AGMO: variants seen among roughly 807,000 people sequenced by gnomAD.
AGMO encodes the protein alkylglycerol monooxygenase, also known as glyceryl-ether monooxygenase.
AGMO carries 75 observed loss-of-function variants against 60.2 expected under a neutral mutation model. The observed-to-expected ratio is 1.25, with a 90% CI of 1.03 to 1.51. AGMO has a LOEUF of 1.51. Ranked by LOEUF, AGMO falls within the 40% of genes most tolerant of loss-of-function variation. The pLI, the probability that AGMO is intolerant of heterozygous loss-of-function variation, is 0.00. For missense variants in AGMO, 763 were observed against 525.5 expected, an observed-to-expected ratio of 1.45 and a Z score of -4.42; for synonymous variants, 261 against 177.1, an observed-to-expected ratio of 1.47 and a Z score of -3.76.
In AGMO at chr7:15,560,174, G is replaced by T; in HGVS notation, c.224C>A (p.Ser75Ter). The T allele has an allele frequency of 6.2e-7, 1 of 1,612,906 alleles. No individual in the cohort carries two copies. The highest frequency in any genetic ancestry group is 1.1e-5 in the South Asian group (1 of 91,020). ...TCGAGACAGAACACCAGCTGAGATT[G>T]ACGTTAAAGCATCATCCAGGCGACC... Reference protein sequence around the residue: ...PPGRLDDALTSISAGVLSRLP... With the variant: ...PPGRLDDALT Residue 75 changes from serine to a stop codon, truncating the protein, a stop_gained, in exon 2 of 13, where the codon TCA becomes TAA. Coordinates refer to ENST00000342526, the MANE Select transcript of AGMO (RefSeq NM_001004320.2). LOFTEE classifies it high-confidence loss of function.
intron 12 of AGMO, among the ~76,000 whole-genome samples, chr7:15,231,904 A>T (rs187111575): frequency 6.6e-6 from 1 of 152,208 alleles, no homozygotes; most frequent in African/African-American, 2.4e-5. Context: ...ATAATAAAGT[A>T]GTTACTTATA....
At chr7:15,280,592 TC>T (rs1320808291) in intron 12 of AGMO, among the ~76,000 whole-genome samples, 1 of 152,128 alleles carries the variant, frequency 6.6e-6, no homozygotes, top group Non-Finnish European at 1.5e-5. Context: ...AGAATACCTC[TC>T]CTGGGTAAAA....
At chr7:15,370,631 C>T (rs1185661507) in intron 10 of AGMO, among the ~76,000 whole-genome samples, 1 of 152,122 alleles carries the variant, frequency 6.6e-6, no homozygotes, top group African/African-American at 2.4e-5. Flanking sequence ...TTGCATTTCT[C>T]TAATGATTAG....
chr7:15,329,161 C>T (rs1445629823), intron 12 of AGMO, among the ~76,000 whole-genome samples: 1 of 152,134 alleles, frequency 6.6e-6, no homozygotes, highest in Non-Finnish European at 1.5e-5. Flanking sequence ...TGCTAGAAAA[C>T]ATCTTTCTCT....
At chr7:15,200,268 C>G (rs902606026), downstream of AGMO, 1 of 152,056 alleles carries the variant, frequency 6.6e-6, no homozygotes, top group South Asian at 2.1e-4. Flanking sequence ...TCCCTCCTAA[C>G]GAAACACTTG....
At chr7:15,366,048 A>T in intron 11 of AGMO, 92 bp downstream of exon 11, 1 of 865,480 alleles carries the variant, frequency 1.2e-6, no homozygotes, top group Non-Finnish European at 1.8e-6. Context: ...TTAAAACTAC[A>T]CTAGTTACAT....
At chr7:15,390,594 T>C (rs997463899) in intron 8 of AGMO, 77 bp downstream of exon 8, 1 of 1,197,992 alleles carries the variant, frequency 8.3e-7, no homozygotes, top group Non-Finnish European at 1.2e-6. Context: ...TTCACTTTTC[T>C]ACAGCTGATT....
the AGMO span, among the ~76,000 whole-genome samples, chr7:15,146,687 G>A: frequency 2.0e-5 from 3 of 152,124 alleles, no homozygotes; most frequent in Non-Finnish European, 4.4e-5. Flanking sequence ...GACAGGGCAC[G>A]AGAATTTAAC....
At chr7:15,331,664 C>T (rs949436063) in intron 12 of AGMO, among the ~76,000 whole-genome samples, 95 of 152,138 alleles carry the variant, frequency 6.2e-4, no homozygotes, top group Non-Finnish European at 2.6e-4. Flanking sequence ...CGGTGGCTCA[C>T]ACCTGTAATC....
chr7:15,119,098 T>C, the AGMO span, among the ~76,000 whole-genome samples: 1 of 151,718 alleles, frequency 6.6e-6, no homozygotes, highest in Non-Finnish European at 1.5e-5. Context: ...GAGCAAGACA[T>C]GAACAGTGAA....
intron 12 of AGMO, among the ~76,000 whole-genome samples, chr7:15,355,504 C>CAAAA (rs56695710): frequency 0.24 from 19,590 of 81,396 alleles, 2,719 homozygotes; most frequent in African/African-American, 0.32. Flanking sequence ...GACTCTGTCT[C>CAAAA]AAAAAAAAAA....
chr7:15,397,509 C>A (rs1010825783), intron 5 of AGMO, among the ~76,000 whole-genome samples: 3 of 152,186 alleles, frequency 2.0e-5, no homozygotes, highest in Admixed American at 1.3e-4. Flanking sequence ...GACGCCCAGG[C>A]CAAGAAGGCG....
At chr7:15,386,067 G>A (rs1783897930) in intron 9 of AGMO, among the ~76,000 whole-genome samples, 1 of 152,148 alleles carries the variant, frequency 6.6e-6, no homozygotes, top group African/African-American at 2.4e-5. Context: ...TGTAATCCCA[G>A]CTACTCAGGA....
At chr7:15,366,960 G>C (rs941023322) in intron 10 of AGMO, among the ~76,000 whole-genome samples, 1 of 151,958 alleles carries the variant, frequency 6.6e-6, no homozygotes, top group Non-Finnish European at 1.5e-5. Context: ...AATATGCTTT[G>C]TGCTCCAGAA....
chr7:15,376,282 G>A (rs1161559106), intron 10 of AGMO, among the ~76,000 whole-genome samples: 3 of 151,892 alleles, frequency 2.0e-5, no homozygotes, highest in African/African-American at 7.3e-5. Context: ...AGTATACCCT[G>A]GACATTGACT....
rs182870733 is a variant in AGMO, at chr7:15,258,054, C to T, written c.1264-56695G>A. On this transcript the variant is annotated intron_variant, in intron 12 of 12. Transcript: ENST00000342526. ...CATGATTCTCCATTCTTCATTAGAGCGATAACATTCTCAACCGGATTGCCA... is the reference window on the plus strand; with the variant it reads ...CATGATTCTCCATTCTTCATTAGAGTGATAACATTCTCAACCGGATTGCCA... Among the ~76,000 whole-genome samples, 131 of 152,210 alleles carry T rather than the reference C, an allele frequency of 8.6e-4. 1 individual carries two copies. The highest frequency in any genetic ancestry group is 3.0e-3 in the African/African-American group (126 of 41,550).
intron 12 of AGMO, among the ~76,000 whole-genome samples, chr7:15,301,063 A>G (rs1306603826): frequency 6.6e-6 from 1 of 152,218 alleles, no homozygotes; most frequent in Non-Finnish European, 1.5e-5. Context: ...CATACATTTA[A>G]GAAATCTTTT....
At chr7:15,252,847 G>A (rs569804292) in intron 12 of AGMO, among the ~76,000 whole-genome samples, 4 of 152,262 alleles carry the variant, frequency 2.6e-5, no homozygotes, top group East Asian at 3.9e-4. Flanking sequence ...AAGGGTGGGC[G>A]GGGGCAGTAA....
chr7:15,494,239 T>G (rs1175432537), intron 3 of AGMO, among the ~76,000 whole-genome samples: 1 of 152,110 alleles, frequency 6.6e-6, no homozygotes, highest in Admixed American at 6.6e-5. Context: ...AATTTGAAAA[T>G]AGAGGCTCAT....
Sources: gnomAD v4.1 joint callset for allele counts (sites outside exome capture counted in the v4.1 genomes callset) on GRCh38, gnomAD v4.1.1 for gene constraint, MANE v1.5 for transcripts, NCBI Gene and HGNC (gene_info 2026-07-23, HGNC 2026-07-21) for gene names.